PTPRD: variants seen among roughly 807,000 people sequenced by gnomAD.
PTPRD encodes protein tyrosine phosphatase receptor type D.
PTPRD carries 34 observed loss-of-function variants against 214.5 expected under a neutral mutation model. The ratio of observed to expected loss-of-function variants is 0.16; its 90% CI spans 0.12 to 0.21. The LOEUF (loss-of-function observed/expected upper bound fraction) is 0.21, where lower values mean the gene tolerates loss of function less well. Among genes scored for constraint, PTPRD ranks in the 10% least tolerant of loss-of-function variants. PTPRD has a pLI of 1.00. For synonymous variants in PTPRD, 1,128 were observed against 845.7 expected (o/e 1.33, Z -5.79); for missense variants, 2,545 against 2,398.7 (o/e 1.06, Z -1.27).
At chr9:10,576,890 T>C (rs1056605036) in intron 2 of PTPRD, among the ~76,000 whole-genome samples, 1 of 152,184 alleles carries the variant, frequency 6.6e-6, no homozygotes, top group African/African-American at 2.4e-5. Flanking sequence ...ATGTCTTAAT[T>C]GCCAACACTC....
chr9:9,394,157 G>C (rs1455693335), intron 9 of PTPRD, among the ~76,000 whole-genome samples: 3 of 152,058 alleles, frequency 2.0e-5, no homozygotes, highest in African/African-American at 7.2e-5. Flanking sequence ...CATTTAATCA[G>C]ATTACTAAAC....
At chr9:8,337,876 T>TTA (rs1564065307) in intron 43 of PTPRD, among the ~76,000 whole-genome samples, 10 of 137,282 alleles carry the variant, frequency 7.3e-5, no homozygotes, top group Admixed American at 3.3e-4. Context: ...GAGCACTATT[T>TTA]TTTTTTTTTT....
chr9:8,794,970 A>G (rs1372758969), intron 11 of PTPRD, among the ~76,000 whole-genome samples: 1 of 151,308 alleles, frequency 6.6e-6, no homozygotes, highest in Admixed American at 6.6e-5. Context: ...ATTATTTGGA[A>G]CCCAATTTTA....
chr9:8,626,196 A>C (rs186164632), intron 14 of PTPRD, among the ~76,000 whole-genome samples: 8 of 152,036 alleles, frequency 5.3e-5, no homozygotes, highest in African/African-American at 1.4e-4. Flanking sequence ...AAATTTTATC[A>C]ATGAAAGCCA....
intron 5 of PTPRD, among the ~76,000 whole-genome samples, chr9:9,797,290 T>A (rs2099009149): frequency 6.7e-6 from 1 of 148,566 alleles, no homozygotes; most frequent in African/African-American, 2.5e-5. Context: ...GTTGTTTGGG[T>A]TTTTTTGCAT....
At chr9:10,293,124 T>A (rs2095576361) in intron 3 of PTPRD, among the ~76,000 whole-genome samples, 1 of 151,954 alleles carries the variant, frequency 6.6e-6, no homozygotes, top group African/African-American at 2.4e-5. Flanking sequence ...ATCATGCAGA[T>A]AATGGCTAAT....
At chr9:8,655,850 C>A (rs980438528) in intron 12 of PTPRD, among the ~76,000 whole-genome samples, 2 of 151,774 alleles carry the variant, frequency 1.3e-5, no homozygotes, top group Non-Finnish European at 2.9e-5. Context: ...CTCACCCAAA[C>A]CATTAAATAG....
intron 9 of PTPRD, among the ~76,000 whole-genome samples, chr9:9,244,971 G>C (rs909135988): frequency 6.6e-6 from 1 of 152,198 alleles, no homozygotes; most frequent in Admixed American, 6.6e-5. Context: ...CAAAAAGTGA[G>C]TGAAGGATAA....
At chr9:10,370,459 G>A (rs2097588728) in intron 2 of PTPRD, among the ~76,000 whole-genome samples, 1 of 151,946 alleles carries the variant, frequency 6.6e-6, no homozygotes, top group South Asian at 2.1e-4. Context: ...AATACTTACT[G>A]TTTCATGTCA....
chr9:8,978,469 G>C (rs1589219588), intron 11 of PTPRD, among the ~76,000 whole-genome samples: 1 of 152,206 alleles, frequency 6.6e-6, no homozygotes. Flanking sequence ...GGAAGATTTA[G>C]GTACATGGAG....
At chr9:9,871,421 A>C (rs947273456) in intron 5 of PTPRD, among the ~76,000 whole-genome samples, 1 of 152,174 alleles carries the variant, frequency 6.6e-6, no homozygotes, top group South Asian at 2.1e-4. Flanking sequence ...ATATTTTCTG[A>C]TATTTTACTG....
chr9:8,620,875 A>G (rs1389643199), intron 14 of PTPRD, among the ~76,000 whole-genome samples: 1 of 152,010 alleles, frequency 6.6e-6, no homozygotes, highest in Non-Finnish European at 1.5e-5. Context: ...GTGCTGATGT[A>G]CACAAGTAAT....
chr9:10,464,791 G>A (rs984737116), intron 2 of PTPRD, among the ~76,000 whole-genome samples: 4 of 152,040 alleles, frequency 2.6e-5, no homozygotes, highest in Admixed American at 2.6e-4. Context: ...GGTAATGTCA[G>A]TAGGCTAAAA....
At chr9:9,206,888 G>T (rs1407437130) in intron 9 of PTPRD, among the ~76,000 whole-genome samples, 2 of 152,016 alleles carry the variant, frequency 1.3e-5, no homozygotes, top group Admixed American at 6.6e-5. Flanking sequence ...CCTTGTGATT[G>T]TGTGAGTCAA....
At chr9:10,519,749 G>A (rs2051526256) in intron 2 of PTPRD, among the ~76,000 whole-genome samples, 1 of 151,908 alleles carries the variant, frequency 6.6e-6, no homozygotes, top group South Asian at 2.1e-4. Context: ...TATTATATCT[G>A]TTACGGTGAT....
At chr9:9,016,565 AC>A (rs1364528307) in intron 11 of PTPRD, among the ~76,000 whole-genome samples, 1 of 152,130 alleles carries the variant, frequency 6.6e-6, no homozygotes, top group Non-Finnish European at 1.5e-5. Flanking sequence ...AATATAAGGC[AC>A]CCACAGCAGG....
intron 11 of PTPRD, among the ~76,000 whole-genome samples, chr9:8,768,025 T>G (rs2094896271): frequency 6.6e-6 from 1 of 152,172 alleles, no homozygotes. Context: ...AGAAAATATT[T>G]CACCAATTTC....
intron 4 of PTPRD, among the ~76,000 whole-genome samples, chr9:10,032,340 T>C (rs1589330758): frequency 6.6e-6 from 1 of 152,298 alleles, no homozygotes; most frequent in Admixed American, 6.5e-5. Context: ...GATTCTACAA[T>C]ACAGTGATCA....
At chr9:10,098,727 A>G (rs1563792255) in intron 3 of PTPRD, among the ~76,000 whole-genome samples, 4 of 151,750 alleles carry the variant, frequency 2.6e-5, no homozygotes, top group African/African-American at 9.7e-5. Flanking sequence ...AGCCTTTAGA[A>G]TGTCCAAGAG....
Sources: gnomAD v4.1 joint callset for allele counts (sites outside exome capture counted in the v4.1 genomes callset) on GRCh38, gnomAD v4.1.1 for gene constraint, MANE v1.5 for transcripts, NCBI Gene and HGNC (gene_info 2026-07-23, HGNC 2026-07-21) for gene names.